RUNX2: variants seen among roughly 807,000 people sequenced by gnomAD.
RUNX2 encodes the protein RUNX family transcription factor 2.
Under a neutral mutation model 51.7 loss-of-function variants are expected in RUNX2, and 10 were observed. The observed-to-expected ratio is 0.19, with a 90% confidence interval of 0.12 to 0.33. RUNX2 has a LOEUF of 0.33. Among genes scored for constraint, RUNX2 ranks in the 10% least tolerant of loss-of-function variants. The pLI, the probability that RUNX2 is intolerant of heterozygous loss-of-function variation, is 1.00. For synonymous variants in RUNX2, 276 were observed against 273.6 expected (o/e 1.01, Z -0.09); for missense variants, 562 against 691.3 (o/e 0.81, Z 2.10).
At chr6:45,377,018 T>G (rs1436552659) in intron 2 of RUNX2, among the ~76,000 whole-genome samples, 1 of 152,106 alleles carries the variant, frequency 6.6e-6, no homozygotes, top group African/African-American at 2.4e-5. Flanking sequence ...ATCGTCTGAG[T>G]GTCAAATATT....
intron 2 of RUNX2, among the ~76,000 whole-genome samples, chr6:45,381,635 C>T (rs1797242816): frequency 6.6e-6 from 1 of 152,048 alleles, no homozygotes; most frequent in African/African-American, 2.4e-5. Context: ...CCCTAGGTTG[C>T]CCAGGCTGGT....
At chr6:45,329,494 T>G (rs1787024666) in intron 2 of RUNX2, among the ~76,000 whole-genome samples, 1 of 151,878 alleles carries the variant, frequency 6.6e-6, no homozygotes, top group African/African-American at 2.4e-5. Context: ...GCAACTGCAT[T>G]TTTCTATGTA....
chr6:45,477,004 TGAA>T (rs1799973324), intron 5 of RUNX2, among the ~76,000 whole-genome samples: 1 of 152,164 alleles, frequency 6.6e-6, no homozygotes, highest in Admixed American at 6.5e-5. Context: ...ATGGAATGAA[TGAA>T]GGAGAGTTAT....
At chr6:45,363,382 T>G (rs962206146) in intron 2 of RUNX2, among the ~76,000 whole-genome samples, 3 of 152,196 alleles carry the variant, frequency 2.0e-5, no homozygotes, top group Non-Finnish European at 4.4e-5. Flanking sequence ...TTTAAAATAC[T>G]TCATATTTTT....
chr6:45,442,677 G>C (rs1018356065), intron 5 of RUNX2, among the ~76,000 whole-genome samples: 39 of 152,070 alleles, frequency 2.6e-4, no homozygotes, highest in African/African-American at 8.7e-4. Context: ...AACTACCCTC[G>C]AATATAACAT....
intron 5 of RUNX2, among the ~76,000 whole-genome samples, chr6:45,463,137 A>T (rs1315316438): frequency 6.6e-6 from 1 of 152,226 alleles, no homozygotes; most frequent in Non-Finnish European, 1.5e-5. Context: ...AGGAGTCTTT[A>T]CCAAATGGTT....
At chr6:45,407,893 A>G (rs1052928210) in intron 2 of RUNX2, among the ~76,000 whole-genome samples, 1 of 152,152 alleles carries the variant, frequency 6.6e-6, no homozygotes, top group East Asian at 1.9e-4. Flanking sequence ...AAGTACATAA[A>G]TTGAAATTGC....
intron 2 of RUNX2, among the ~76,000 whole-genome samples, chr6:45,354,740 CT>C (rs1487533352): frequency 6.6e-6 from 1 of 152,010 alleles, no homozygotes; most frequent in African/African-American, 2.4e-5. Context: ...TGGGTCACCC[CT>C]GTATTCCCAG....
At chr6:45,397,179 C>T (rs1169990156) in intron 2 of RUNX2, among the ~76,000 whole-genome samples, 1 of 151,852 alleles carries the variant, frequency 6.6e-6, no homozygotes, top group Non-Finnish European at 1.5e-5. Context: ...TCGCAGCTCA[C>T]TGCAAGCTCT....
At chr6:45,443,077 T>C (rs1798888350) in intron 5 of RUNX2, among the ~76,000 whole-genome samples, 1 of 127,542 alleles carries the variant, frequency 7.8e-6, no homozygotes, top group African/African-American at 3.0e-5. Context: ...GATGAGGTCT[T>C]GCCCTGTCAT....
chr6:45,370,205 G>C (rs1795824085), intron 2 of RUNX2, among the ~76,000 whole-genome samples: 1 of 152,204 alleles, frequency 6.6e-6, no homozygotes, highest in African/African-American at 2.4e-5. Context: ...GGTTGAATTA[G>C]TTTAACAAGC....
At chr6:45,394,677 T>C (rs930387704) in intron 2 of RUNX2, among the ~76,000 whole-genome samples, 7 of 152,244 alleles carry the variant, frequency 4.6e-5, no homozygotes, top group African/African-American at 1.7e-4. Flanking sequence ...TCAAGTTAGA[T>C]AGGAAGGCCA....
chr6:45,342,425 A>T (rs1789986578), intron 2 of RUNX2, among the ~76,000 whole-genome samples: 1 of 152,018 alleles, frequency 6.6e-6, no homozygotes, highest in South Asian at 2.1e-4. Context: ...CCACGCCCAG[A>T]TAATTTTGTA....
chr6:45,423,599 C>T (rs1798296938), intron 3 of RUNX2, among the ~76,000 whole-genome samples: 1 of 152,190 alleles, frequency 6.6e-6, no homozygotes, highest in Admixed American at 6.5e-5. Context: ...CATTAGTGCC[C>T]GGGGCTGGGC....
At chr6:45,341,690 C>G (rs373604099) in intron 2 of RUNX2, among the ~76,000 whole-genome samples, 1 of 152,062 alleles carries the variant, frequency 6.6e-6, no homozygotes, top group African/African-American at 2.4e-5. Context: ...AAAATAACTA[C>G]GGAATAACAG....
intron 5 of RUNX2, among the ~76,000 whole-genome samples, chr6:45,475,682 A>G (rs1423048642): frequency 6.6e-6 from 1 of 152,228 alleles, no homozygotes; most frequent in East Asian, 1.9e-4. Context: ...CCACTACAAT[A>G]TGATAACGTT....
chr6:45,509,791 AC>A (rs1801088032), intron 6 of RUNX2, among the ~76,000 whole-genome samples: 1 of 152,050 alleles, frequency 6.6e-6, no homozygotes, highest in Non-Finnish European at 1.5e-5. Context: ...GTCATTTTTT[AC>A]ATTTCTTTGT....
At chr6:45,441,663 C>CT (rs751642282) in intron 5 of RUNX2, among the ~76,000 whole-genome samples, 62 of 152,150 alleles carry the variant, frequency 4.1e-4, no homozygotes, top group Non-Finnish European at 8.4e-4. Flanking sequence ...TAGTATATTA[C>CT]TTTTTTCCCC....
intron 7 of RUNX2, among the ~76,000 whole-genome samples, chr6:45,521,258 A>G (rs1582201857): frequency 6.6e-6 from 1 of 152,234 alleles, no homozygotes; most frequent in Non-Finnish European, 1.5e-5. Context: ...TTCACCTGGA[A>G]CAACAAAGAA....
Sources: allele counts gnomAD v4.1 joint callset (sites outside exome capture counted in the v4.1 genomes callset), GRCh38; gene constraint gnomAD v4.1.1; transcripts MANE v1.5; gene names NCBI Gene and HGNC (gene_info 2026-07-23, HGNC 2026-07-21).